The following PCDH15 variants were observed in gnomAD, a reference collection of about 807,000 sequenced individuals.
PCDH15 encodes protocadherin-15.
In PCDH15, 129 loss-of-function variants were observed where a neutral mutation model predicts 178.5. The observed-to-expected ratio is 0.72, with a 90% confidence interval of 0.63 to 0.84. PCDH15 has a LOEUF of 0.84. Among genes scored for constraint, PCDH15 ranks in the 40% least tolerant of loss-of-function variants. The pLI, the probability that PCDH15 is intolerant of heterozygous loss-of-function variation, is 0.00. For synonymous variants in PCDH15, 800 were observed against 732.0 expected (o/e 1.09, Z -1.50); for missense variants, 2,230 against 2,099.9 (o/e 1.06, Z -1.21).
chr10:54,322,911 T>G (rs2061701011), intron 7 of PCDH15, among the ~76,000 whole-genome samples: 1 of 151,846 alleles, frequency 6.6e-6, no homozygotes, highest in Admixed American at 6.6e-5. Flanking sequence ...AAACTGTCAA[T>G]ACAGTAAACA....
At chr10:54,588,176 C>T (rs994614748) in intron 2 of PCDH15, among the ~76,000 whole-genome samples, 7 of 152,062 alleles carry the variant, frequency 4.6e-5, no homozygotes, top group Non-Finnish European at 1.0e-4. Flanking sequence ...CTTAGTGTTA[C>T]ATCAACAGAA....
intron 1 of PCDH15, among the ~76,000 whole-genome samples, chr10:54,796,274 G>GTCTATGTATC (rs1951982985): frequency 1.6e-3 from 93 of 56,958 alleles, no homozygotes; most frequent in Middle Eastern, 8.5e-3. Context: ...ATCTATCTAT[G>GTCTATGTATC]TATCTATGTA....
chr10:53,804,288 C>G lies in PCDH15; in HGVS notation c.*2291G>C, dbSNP rs2132342681. The G allele has an allele frequency of 6.6e-6, 1 of 151,910 alleles. No individual in the cohort carries two copies. Among genetic ancestry groups the G allele is most frequent in the Non-Finnish European group, 1.5e-5 (1 of 67,844 alleles). 9.4% of individuals were successfully genotyped at this position (151,910 alleles called of 1,614,324 possible). ...TGGCTTGTAAAATTTTGCATATTTT[C>G]TCATAAAAAATGTAGTTTAAAATAC... On this transcript the variant is annotated 3_prime_UTR_variant, in exon 38 of 38. Transcript: ENST00000644397.
intron 8 of PCDH15, among the ~76,000 whole-genome samples, chr10:54,314,359 T>G (rs1026739238): frequency 1.3e-5 from 2 of 152,056 alleles, no homozygotes; most frequent in African/African-American, 4.8e-5. Context: ...GTGCAAAAAA[T>G]GATTAGTCAT....
intron 2 of PCDH15, among the ~76,000 whole-genome samples, chr10:55,046,824 C>T (rs1228908045): frequency 6.6e-6 from 1 of 151,996 alleles, no homozygotes; most frequent in African/African-American, 2.4e-5. Context: ...ATGGCCTCAT[C>T]ACCTTCCTAA....
intron 2 of PCDH15, among the ~76,000 whole-genome samples, chr10:55,061,435 T>C (rs1285508704): frequency 6.6e-6 from 1 of 152,082 alleles, no homozygotes; most frequent in Non-Finnish European, 1.5e-5. Context: ...AAACAAGAAC[T>C]CCCTTTCACT....
chr10:55,025,765 G>A (rs1763917798), intron 2 of PCDH15, among the ~76,000 whole-genome samples: 1 of 151,836 alleles, frequency 6.6e-6, no homozygotes, highest in Admixed American at 6.6e-5. Context: ...AATACCATGT[G>A]ATTAGAAATT....
intron 2 of PCDH15, among the ~76,000 whole-genome samples, chr10:55,154,244 T>A (rs559881443): frequency 1.3e-5 from 2 of 152,254 alleles, no homozygotes; most frequent in Admixed American, 1.3e-4. Context: ...GTTAGCATCT[T>A]ATATATTTCA....
Position 54,329,586 on chromosome 10 carries a change from G to T in PCDH15, c.705+10C>A. 1.3e-6 allele frequency: 2 copies of T among 1,545,278 alleles called. No homozygotes were observed. The highest frequency in any genetic ancestry group is 1.1e-5 in the South Asian group (1 of 89,622). ...TCACAGAAGAAATTTAAAAGAAATT[G>T]AATACTCACATTAGCTTGGATTATG... On this transcript the variant is annotated intron_variant, in intron 7 of 37. Coordinates refer to ENST00000644397, the MANE Select transcript of PCDH15 (RefSeq NM_001384140.1).
At chr10:54,957,822 C>T (rs1480967158) in intron 2 of PCDH15, among the ~76,000 whole-genome samples, 1 of 151,704 alleles carries the variant, frequency 6.6e-6, no homozygotes, top group Non-Finnish European at 1.5e-5. Flanking sequence ...AAATATGCCA[C>T]TTTAGCATAA....
chr10:54,974,477 C>CGT (rs1195480243), intron 2 of PCDH15, among the ~76,000 whole-genome samples: 1 of 151,158 alleles, frequency 6.6e-6, no homozygotes, highest in Non-Finnish European at 1.5e-5. Context: ...TATACATGAA[C>CGT]GTGTGTGTAT....
At chr10:55,172,070 C>T (rs1839349730) in intron 1 of PCDH15, among the ~76,000 whole-genome samples, 1 of 151,890 alleles carries the variant, frequency 6.6e-6, no homozygotes, top group Non-Finnish European at 1.5e-5. Context: ...GACCACTTAT[C>T]TTTATGTAAA....
intron 1 of PCDH15, 75 bp from the exon 2 acceptor site, chr10:54,664,365 C>A: frequency 1.1e-6 from 1 of 926,986 alleles, no homozygotes; most frequent in Non-Finnish European, 1.7e-6. Flanking sequence ...ATTGTCACAG[C>A]ACAGAAAAGC....
chr10:55,279,384 G>A (rs1842672893), intron 1 of PCDH15, among the ~76,000 whole-genome samples: 1 of 152,122 alleles, frequency 6.6e-6, no homozygotes, highest in Non-Finnish European at 1.5e-5. Flanking sequence ...AAAGGAGTGT[G>A]AGCTCTGAGA....
Position 54,764,806 on chromosome 10 carries a change from G to A in PCDH15, c.-29+36119C>T, listed in dbSNP as rs143232359. ...CATGCAAGCAATTCAAGTGAGAAAGGGCAATGCGTAAGGCAAAATAAATGA... is the reference window on the plus strand; with the variant it reads ...CATGCAAGCAATTCAAGTGAGAAAGAGCAATGCGTAAGGCAAAATAAATGA... On this transcript the variant is annotated intron_variant, in intron 1 of 37. Transcript: ENST00000644397. 7.5e-3 allele frequency among the ~76,000 whole-genome samples: 1,140 copies of A among 152,174 alleles called. 14 individuals are homozygous for A. The highest frequency in any genetic ancestry group is 0.026 in the African/African-American group (1,060 of 41,516).
At chr10:54,762,295 T>C (rs1947979148) in intron 1 of PCDH15, among the ~76,000 whole-genome samples, 1 of 152,152 alleles carries the variant, frequency 6.6e-6, no homozygotes, top group African/African-American at 2.4e-5. Context: ...GCTGGAGATA[T>C]TAGCAGAACA....
At chr10:55,035,524 C>A (rs1355923251) in intron 2 of PCDH15, among the ~76,000 whole-genome samples, 3 of 152,260 alleles carry the variant, frequency 2.0e-5, no homozygotes, top group Admixed American at 6.5e-5. Context: ...TGTTCATAAT[C>A]CTACTATACC....
At chr10:53,972,803 G>C (rs576465696) in intron 21 of PCDH15, among the ~76,000 whole-genome samples, 1 of 152,172 alleles carries the variant, frequency 6.6e-6, no homozygotes, top group Non-Finnish European at 1.5e-5. Context: ...AGGTTCTGGA[G>C]AGGATGTGGA....
At chr10:55,485,242 T>G (rs561037203) in intron 2 of PCDH15, among the ~76,000 whole-genome samples, 1 of 151,850 alleles carries the variant, frequency 6.6e-6, no homozygotes, top group Non-Finnish European at 1.5e-5. Flanking sequence ...TAGATATTTT[T>G]CAACAGAAGA....
Sources: allele counts gnomAD v4.1 joint callset (sites outside exome capture counted in the v4.1 genomes callset), GRCh38; gene constraint gnomAD v4.1.1; transcripts MANE v1.5; gene names NCBI Gene and HGNC (gene_info 2026-07-23, HGNC 2026-07-21).